ZC3H10: variants seen among roughly 807,000 people sequenced by gnomAD.
ZC3H10 encodes zinc finger CCCH domain-containing protein 10.
ZC3H10 carries 12 observed loss-of-function variants against 24.3 expected under a neutral mutation model. The observed-to-expected ratio is 0.49, with a 90% CI of 0.32 to 0.80. The LOEUF is 0.80. ZC3H10 is among the 30% of genes least tolerant of loss of function. The pLI, the probability that ZC3H10 is intolerant of heterozygous loss-of-function variation, is 0.04. For synonymous variants in ZC3H10, 226 were observed against 217.0 expected (o/e 1.04, Z -0.36); for missense variants, 360 against 576.3 (o/e 0.62, Z 3.84).
chr12:56,120,753 G>A lies in ZC3H10; in HGVS notation c.191G>A (p.Ser64Asn). 1.2e-6 allele frequency: 2 copies of A among 1,614,212 alleles called. No individual in the cohort carries two copies. The highest frequency in any genetic ancestry group is 1.7e-6 in the Non-Finnish European group (2 of 1,180,038). The change falls in exon 3 of 3, where the codon AGC (serine) becomes AAC (asparagine). Residue 64 changes from serine to asparagine, a missense_variant. By Grantham distance (46) the Ser-to-Asn change is conservative (BLOSUM62 1). This residue lies in a region of ZC3H10 where 126 missense variants were observed against 208.8 expected (regional missense o/e 0.60). Transcript: ENST00000257940. ...TGCCGATATCGCCACCCAGACATGAGCGAGGTGTCCAACTTGGGGGTGAGC... is the reference window on the plus strand; with the variant it reads ...TGCCGATATCGCCACCCAGACATGAACGAGGTGTCCAACTTGGGGGTGAGC... ...KRCRYRHPDM[S>N]EVSNLGVSKN...
intron 2 of ZC3H10, chr12:56,120,293 C>T (rs1869770198): frequency 7.1e-6 from 7 of 985,482 alleles, no homozygotes; most frequent in Non-Finnish European, 8.4e-6. Context: ...GCCTATCCCT[C>T]CTCCGTTAGC....
In ZC3H10 at chr12:56,122,591, CAT is replaced by C. The variant is rs1180757543; in HGVS notation, c.*726_*727del. 6.3e-6 allele frequency: 1 copy of C among 158,176 alleles called. No homozygotes were observed. The highest frequency in any genetic ancestry group is 1.5e-5 in the Non-Finnish European group (1 of 68,080). 9.8% of individuals were successfully genotyped at this position (158,176 alleles called of 1,614,324 possible). A position where few individuals can be genotyped will look rare whatever the true frequency, so the allele number is the denominator to read the frequency against. Reference sequence around the variant, plus strand: ...AAATGGGATAAAGACCCCAGCCTCACATAGCTTTGGTAAGATGGATAGAAGCC... The same window carrying C: ...AAATGGGATAAAGACCCCAGCCTCACAGCTTTGGTAAGATGGATAGAAGCC... On this transcript the variant is annotated 3_prime_UTR_variant, in exon 3 of 3. Coordinates refer to ENST00000257940, the MANE Select transcript of ZC3H10 (RefSeq NM_032786.3).
Position 56,124,575 on chromosome 12 carries a change from C to T in ZC3H10, c.*2708C>T, listed in dbSNP as rs889742016. The T allele has an allele frequency of 1.3e-5, 2 of 152,180 alleles. No individual in the cohort carries two copies. Among genetic ancestry groups the T allele is most frequent in the African/African-American group, 4.8e-5 (2 of 41,428 alleles). The allele number at this position is 152,180 out of a possible 1,614,324, so 9.4% of individuals were successfully genotyped here. On this transcript the variant is annotated 3_prime_UTR_variant, in exon 3 of 3. Coordinates refer to ENST00000257940, the MANE Select transcript of ZC3H10 (RefSeq NM_032786.3). Reference sequence around the variant, plus strand: ...GCATTTGGTAGAATCAAACTGAACACTTGTACTTAGTGTTGGTTAGCGCAT... The same window carrying T: ...GCATTTGGTAGAATCAAACTGAACATTTGTACTTAGTGTTGGTTAGCGCAT...
At position 56,121,916 on chromosome 12, in the gene ZC3H10, G is replaced by C. The variant is rs762440311; in HGVS notation, c.*49G>C. On this transcript the variant is annotated 3_prime_UTR_variant, in exon 3 of 3. Transcript: ENST00000257940. This position sits in a 1 kb window ranked among gnomAD's most constrained non-coding sequence, Gnocchi z 6.2. ...GTATAGCCTCGCAGGGCTGGGGTCA[G>C]GGGGCCCTTGCCCACTCACCTAGCC... 2.6e-6 allele frequency: 4 copies of C among 1,524,242 alleles called. No individual in the cohort carries two copies. Among genetic ancestry groups the C allele is most frequent in the Non-Finnish European group, 3.5e-6 (4 of 1,132,530 alleles). 94.4% of individuals were successfully genotyped at this position (1,524,242 alleles called of 1,614,324 possible). A position where few individuals can be genotyped will look rare whatever the true frequency, so the allele number is the denominator to read the frequency against.
chr12:56,124,894 T>C lies in ZC3H10; in HGVS notation c.*3027T>C, dbSNP rs558368303. 4.6e-5 allele frequency: 7 copies of C among 152,240 alleles called. No individual in the cohort carries two copies. The East Asian group carries it at 5.8e-4, about 13-fold the overall frequency. The allele number at this position is 152,240 out of a possible 1,614,324, so 9.4% of individuals were successfully genotyped here. A position where few individuals can be genotyped will look rare whatever the true frequency, so the allele number is the denominator to read the frequency against. On this transcript the variant is annotated 3_prime_UTR_variant, in exon 3 of 3. Transcript: ENST00000257940. ...GGACTTCCAGTTGGCTGCAAAAAAA[T>C]AGAATCTTAGCCCTCAAGATGTCCA...
Position 56,123,714 on chromosome 12 carries a change from A to T in ZC3H10, c.*1847A>T, listed in dbSNP as rs1256062516. Reference sequence around the variant, plus strand: ...CAGGCATGAACCACCGTGCCCGGCAATTCTAGACTATTAAAAGAGATGGTT... The same window carrying T: ...CAGGCATGAACCACCGTGCCCGGCATTTCTAGACTATTAAAAGAGATGGTT... On this transcript the variant is annotated 3_prime_UTR_variant, in exon 3 of 3. Transcript: ENST00000257940. 1 of 152,150 alleles carries T rather than the reference A, an allele frequency of 6.6e-6. No individual in the cohort carries two copies. The highest frequency in any genetic ancestry group is 1.5e-5 in the Non-Finnish European group (1 of 68,032). 9.4% of individuals were successfully genotyped at this position (152,150 alleles called of 1,614,324 possible).
Position 56,120,566 on chromosome 12 carries a change from C to A in ZC3H10, c.4C>A (p.Pro2Thr), listed in dbSNP as rs1425534384. Reference sequence around the variant, plus strand: ...CCCTGAGTTGGGCGGGACCAGGATGCCTGACCGGGACAGCTATGCCAACGG... The same window carrying A: ...CCCTGAGTTGGGCGGGACCAGGATGACTGACCGGGACAGCTATGCCAACGG... M[P>T]DRDSYANGTG... Residue 2 changes from proline to threonine, a missense_variant, in exon 3 of 3, where the codon CCT becomes ACT. Around this residue, in one of 3 missense-constraint regions of ZC3H10, gnomAD observed 126 missense variants for 208.8 expected, o/e 0.60. Transcript: ENST00000257940. 1 of 1,537,590 alleles carries A rather than the reference C, an allele frequency of 6.5e-7. No homozygotes were observed. The highest frequency in any genetic ancestry group is 8.7e-7 in the Non-Finnish European group (1 of 1,145,650).
At chr12:56,120,471 C>T (rs1869774625) in intron 2 of ZC3H10, 40 bp from the exon 3 acceptor site, 4 of 1,435,188 alleles carry the variant, frequency 2.8e-6, no homozygotes, top group Admixed American at 2.9e-5. Flanking sequence ...TGGGATCTCC[C>T]TGGAGGACTC....
rs1869856377 is a variant in ZC3H10, at chr12:56,121,912, G to A, written c.*45G>A. On this transcript the variant is annotated 3_prime_UTR_variant, in exon 3 of 3. Coordinates refer to ENST00000257940, the MANE Select transcript of ZC3H10 (RefSeq NM_032786.3). The surrounding 1 kb of genome is among the most constrained non-coding windows in gnomAD (Gnocchi z 6.2). ...CCTGGTATAGCCTCGCAGGGCTGGG[G>A]TCAGGGGGCCCTTGCCCACTCACCT... is the stretch of plus-strand genomic sequence containing the variant. 2 of 1,534,872 alleles carry A rather than the reference G, an allele frequency of 1.3e-6. No individual in the cohort carries two copies. Among genetic ancestry groups the A allele is most frequent in the Admixed American group, 3.9e-5 (2 of 51,320 alleles).
At position 56,122,081 on chromosome 12, in the gene ZC3H10, CAGTG is replaced by C. The variant is rs1869863455; in HGVS notation, c.*215_*218del. On this transcript the variant is annotated 3_prime_UTR_variant, in exon 3 of 3. Coordinates refer to ENST00000257940, the MANE Select transcript of ZC3H10 (RefSeq NM_032786.3). The stretch of plus-strand genomic sequence containing the variant: ...TCCTCTTGTCCATCTTCAAGCCTCA[CAGTG>C]GGGGCTTGCAGAGGAGTGCAGACTG... 2 of 615,342 alleles carry C rather than the reference CAGTG, an allele frequency of 3.3e-6. No homozygotes were observed. Among genetic ancestry groups the C allele is most frequent in the Non-Finnish European group, 5.7e-6 (2 of 352,638 alleles). The allele number at this position is 615,342 out of a possible 1,614,324, so 38.1% of individuals were successfully genotyped here. A position where few individuals can be genotyped will look rare whatever the true frequency, so the allele number is the denominator to read the frequency against.
In ZC3H10 at chr12:56,125,160, G is replaced by T. The variant is rs1869955769; in HGVS notation, c.*3293G>T. ...TTCAAATAGAAGTCTTCAAATATTTGAAGGGCTGCCCAGTGGAGGAAGATC... is the reference window on the plus strand; with the variant it reads ...TTCAAATAGAAGTCTTCAAATATTTTAAGGGCTGCCCAGTGGAGGAAGATC... On this transcript the variant is annotated 3_prime_UTR_variant, in exon 3 of 3. Coordinates refer to ENST00000257940, the MANE Select transcript of ZC3H10 (RefSeq NM_032786.3). 6.6e-6 allele frequency: 1 copy of T among 151,608 alleles called. No homozygotes were observed. The highest frequency in any genetic ancestry group is 2.4e-5 in the African/African-American group (1 of 41,292). 9.4% of individuals were successfully genotyped at this position (151,608 alleles called of 1,614,324 possible). A position where few individuals can be genotyped will look rare whatever the true frequency, so the allele number is the denominator to read the frequency against.
At position 56,126,057 on chromosome 12, in the gene ZC3H10, C is replaced by G. The variant is rs1869983477; in HGVS notation, c.*4190C>G. On this transcript the variant is annotated 3_prime_UTR_variant, in exon 3 of 3. Coordinates refer to ENST00000257940, the MANE Select transcript of ZC3H10 (RefSeq NM_032786.3). ...CCAACTGCCTCGGCCTTCCAAAGTG[C>G]TGGGATTACAGGCATGAGCCACCGC... 1 of 152,194 alleles carries G rather than the reference C, an allele frequency of 6.6e-6. No individual in the cohort carries two copies. The highest frequency in any genetic ancestry group is 6.5e-5 in the Admixed American group (1 of 15,278). The allele number at this position is 152,194 out of a possible 1,614,324, so 9.4% of individuals were successfully genotyped here.
Position 56,127,044 on chromosome 12 carries a change from T to G in ZC3H10, c.*5177T>G, listed in dbSNP as rs1870016800. On this transcript the variant is annotated 3_prime_UTR_variant, in exon 3 of 3. Coordinates refer to ENST00000257940, the MANE Select transcript of ZC3H10 (RefSeq NM_032786.3). Reference sequence around the variant, plus strand: ...TCAACCCCAGTTCTTCTGCTGCATCTGACAGATTTACATAATATGCCCCAT... The same window carrying G: ...TCAACCCCAGTTCTTCTGCTGCATCGGACAGATTTACATAATATGCCCCAT... 6.6e-6 allele frequency: 1 copy of G among 152,238 alleles called. No homozygotes were observed. The highest frequency in any genetic ancestry group is 2.4e-5 in the African/African-American group (1 of 41,462). 9.4% of individuals were successfully genotyped at this position (152,238 alleles called of 1,614,324 possible).
chr12:56,120,452 C>G, intron 2 of ZC3H10, 59 bp from the exon 3 acceptor site: 1 of 1,418,476 alleles, frequency 7.0e-7, no homozygotes, highest in East Asian at 2.6e-5. Context: ...GCTTTATAGT[C>G]AGGAAGAGTG....
At position 56,122,204 on chromosome 12, in the gene ZC3H10, A is replaced by G. The variant is rs934101213; in HGVS notation, c.*337A>G. ...TCTTGTCCTCTCTTCTGCACAGCAC[A>G]GGTTCCAGCACTGGTTTTAGAAGAA... On this transcript the variant is annotated 3_prime_UTR_variant, in exon 3 of 3. Transcript: ENST00000257940. 1.1e-5 allele frequency: 3 copies of G among 284,126 alleles called. No individual in the cohort carries two copies. The highest frequency in any genetic ancestry group is 9.5e-5 in the Admixed American group (2 of 20,962). The allele number at this position is 284,126 out of a possible 1,614,324, so 17.6% of individuals were successfully genotyped here. A position where few individuals can be genotyped will look rare whatever the true frequency, so the allele number is the denominator to read the frequency against.
rs752425072 is a variant in ZC3H10, at chr12:56,121,219, C to T, written c.657C>T (p.Gly219=). 1.2e-5 allele frequency: 19 copies of T among 1,613,806 alleles called. No individual in the cohort carries two copies. The highest frequency in any genetic ancestry group is 1.6e-5 in the Non-Finnish European group (19 of 1,180,034). The change falls in exon 3 of 3, where the codon GGC becomes GGT. Residue 219 remains glycine (G), a synonymous_variant. Transcript: ENST00000257940. The surrounding 1 kb of genome is among the most constrained non-coding windows in gnomAD (Gnocchi z 6.2). ...RRRGGCCPPD[G]PHFESYEYSL... Reference sequence around the variant, plus strand: ...GAGGTGGATGCTGCCCCCCTGATGGCCCTCATTTTGAGTCATATGAATATA... The same window carrying T: ...GAGGTGGATGCTGCCCCCCTGATGGTCCTCATTTTGAGTCATATGAATATA...
At position 56,121,257 on chromosome 12, in the gene ZC3H10, C is replaced by G; in HGVS notation, c.695C>G (p.Pro232Arg). The G allele has an allele frequency of 6.2e-7, 1 of 1,613,256 alleles. No homozygotes were observed. Among genetic ancestry groups the G allele is most frequent in the Non-Finnish European group, 8.5e-7 (1 of 1,179,996 alleles). Residue 232 changes from proline (P) to arginine (R), a missense_variant, in exon 3 of 3, where the codon CCG becomes CGG. Coordinates refer to ENST00000257940, the MANE Select transcript of ZC3H10 (RefSeq NM_032786.3). The surrounding 1 kb of genome is among the most constrained non-coding windows in gnomAD (Gnocchi z 6.2). ...TCATATGAATATAGTTTGGCTCCAC[C>G]GCGAGGGGTGGAGTGCAGACTGCTA... ...FESYEYSLAP[P>R]RGVECRLLEE...
intron 2 of ZC3H10, chr12:56,120,207 A>T: frequency 3.8e-6 from 4 of 1,050,416 alleles, no homozygotes; most frequent in Non-Finnish European, 4.6e-6. Flanking sequence ...TTTTAATTTC[A>T]CTTCCACAAC....
Position 56,118,281 on chromosome 12 carries a change from C to G in ZC3H10, c.-154C>G, listed in dbSNP as rs538433658. ...GCGGCTCTTTGTCGAAGCTAGAGGA[C>G]CGGCAGGCGGCAGCAGCAACTACGG... On this transcript the variant is annotated 5_prime_UTR_variant, in exon 1 of 3. Transcript: ENST00000257940. 11 of 153,506 alleles carry G rather than the reference C, an allele frequency of 7.2e-5. No individual in the cohort carries two copies. The highest frequency in any genetic ancestry group is 2.6e-4 in the Admixed American group (4 of 15,312). 9.5% of individuals were successfully genotyped at this position (153,506 alleles called of 1,614,324 possible). A position where few individuals can be genotyped will look rare whatever the true frequency, so the allele number is the denominator to read the frequency against.
Sources: allele counts gnomAD v4.1 joint callset, GRCh38; gene constraint gnomAD v4.1.1; regional missense constraint gnomAD v4.1.1; non-coding constraint Gnocchi (gnomAD v3.1); transcripts MANE v1.5; gene names NCBI Gene and HGNC (gene_info 2026-07-23, HGNC 2026-07-21).